Variants in MPV17 observed in about 807,000 individuals in gnomAD.
The protein encoded by MPV17 is mitochondrial inner membrane protein MPV17, also known as MPV17, mitochondrial inner membrane protein.
A neutral mutation model predicts 28.6 loss-of-function variants in MPV17; 31 were observed. The observed-to-expected ratio is 1.08, with a 90% CI of 0.81 to 1.46. MPV17 has a LOEUF of 1.46. Ranked by LOEUF, MPV17 falls within the 40% of genes most tolerant of loss-of-function variation. The probability of loss-of-function intolerance (pLI) is 0.00; values close to 1 mark genes in which losing one functional copy is unlikely to be tolerated. For missense variants in MPV17, 198 were observed against 216.2 expected (o/e 0.92, Z 0.53); for synonymous variants, 87 against 85.3 (o/e 1.02, Z -0.11).
Position 27,309,857 on chromosome 2 carries a change from C to G in MPV17, c.*55G>C, listed in dbSNP as rs371392423. 4 of 1,493,518 alleles carry G rather than the reference C, an allele frequency of 2.7e-6. No individual in the cohort carries two copies. In the Admixed American group the frequency reaches 5.1e-5, roughly 19 times the overall value. The allele number at this position is 1,493,518 out of a possible 1,614,324, so 92.5% of individuals were successfully genotyped here. On this transcript the variant is annotated 3_prime_UTR_variant, in exon 8 of 8. Transcript: ENST00000380044. ...GCCCACTTTGAGGAGGTTGTCTGAC[C>G]GTTCCAGGGTCAAGCTGCATCACTG... is the stretch of plus-strand genomic sequence containing the variant.
At chr2:27,318,800 T>G (rs1679751641) in intron 2 of MPV17, among the ~76,000 whole-genome samples, 1 of 152,168 alleles carries the variant, frequency 6.6e-6, no homozygotes, top group Admixed American at 6.5e-5. Context: ...AGTCTCGCTC[T>G]GTCGCCCAGG....
rs78496465 is a variant in MPV17, at chr2:27,315,299, T to C, written c.71-2190A>G. 4.9e-3 allele frequency among the ~76,000 whole-genome samples: 750 copies of C among 152,314 alleles called. 7 individuals carry two copies. Among genetic ancestry groups the C allele is most frequent in the African/African-American group, 0.017 (698 of 41,570 alleles). On this transcript the variant is annotated intron_variant, in intron 2 of 7. Coordinates refer to ENST00000380044, the MANE Select transcript of MPV17 (RefSeq NM_002437.5). Reference sequence around the variant, plus strand: ...GAAGGTGTGAGGACGTCGGGGGAACTGCAGGTTTGCTCCCACCCGCACCCG... The same window carrying C: ...GAAGGTGTGAGGACGTCGGGGGAACCGCAGGTTTGCTCCCACCCGCACCCG...
Position 27,311,940 on chromosome 2 carries a change from A to C in MPV17, c.420T>G (p.Ala140=), listed in dbSNP as rs1425821074. 1 of 1,613,616 alleles carries C rather than the reference A, an allele frequency of 6.2e-7. No homozygotes were observed. Among genetic ancestry groups the C allele is most frequent in the Non-Finnish European group, 8.5e-7 (1 of 1,179,994 alleles). The stretch of plus-strand genomic sequence containing the variant: ...CCAGGTAGAAGTTGGCTAACTGCAC[A>C]GCAGGCCATAGCTGCAAGAGAAAAT... ...ALITNYYLWP[A]VQLANFYLVP... The change falls in exon 7 of 8, where the codon GCT becomes GCG. Residue 140 remains alanine, a synonymous_variant. Transcript: ENST00000380044.
rs77563577 is a variant in MPV17 at position 27,319,410 on chromosome 2, C to T, written c.70+3038G>A. Among the ~76,000 whole-genome samples the T allele has an allele frequency of 7.6e-3, 1,118 of 147,468 alleles. 18 individuals carry two copies. Among genetic ancestry groups the T allele is most frequent in the African/African-American group, 0.026 (1,054 of 40,228 alleles). ...TGGTGGTGCAAGCCCGCGGTCCCAACCACTCGGGAGGCTAAGGCAGAGGAT... is the reference window on the plus strand; with the variant it reads ...TGGTGGTGCAAGCCCGCGGTCCCAATCACTCGGGAGGCTAAGGCAGAGGAT... On this transcript the variant is annotated intron_variant, in intron 2 of 7. Transcript: ENST00000380044.
intron 7 of MPV17, among the ~76,000 whole-genome samples, chr2:27,310,359 G>A (rs1460818676): frequency 2.0e-5 from 3 of 152,184 alleles, no homozygotes; most frequent in African/African-American, 7.2e-5. Flanking sequence ...GCCTCCCAAA[G>A]TGCTGGGATT....
At chr2:27,322,547 T>TCAC in intron 1 of MPV17, 25 bp from the exon 2 acceptor site, 1 of 1,602,336 alleles carries the variant, frequency 6.2e-7, no homozygotes, top group Non-Finnish European at 8.5e-7. Context: ...GGAGAGGGGG[T>TCAC]CACCCCCACC....
chr2:27,318,777 T>C (rs561503333), intron 2 of MPV17, among the ~76,000 whole-genome samples: 27 of 152,030 alleles, frequency 1.8e-4, no homozygotes, highest in East Asian at 3.9e-4. Context: ...CTTTTCTTTT[T>C]TTTTGGAGAT....
At chr2:27,311,527 G>A (rs1269626855) in intron 7 of MPV17, 4 of 1,438,112 alleles carry the variant, frequency 2.8e-6, no homozygotes, top group African/African-American at 2.8e-5. Flanking sequence ...TGTCTTTATT[G>A]TGAGTGTCTG....
rs774743263 is a variant in MPV17, at chr2:27,311,958, G to C, written c.409-7C>G. 6.2e-7 allele frequency: 1 copy of C among 1,613,344 alleles called. No homozygotes were observed. The highest frequency in any genetic ancestry group is 8.5e-7 in the Non-Finnish European group (1 of 1,179,918). ...ACTGCACAGCAGGCCATAGCTGCAA[G>C]AGAAAATGTAAAGGTTGGATGGCTG... On this transcript the variant is annotated splice_region_variant and splice_polypyrimidine_tract_variant and intron_variant, in intron 6 of 7. Transcript: ENST00000380044.
At chr2:27,312,187 A>T in intron 6 of MPV17, 27 bp downstream of exon 6, 1 of 1,611,764 alleles carries the variant, frequency 6.2e-7, no homozygotes, top group East Asian at 2.2e-5. Context: ...AAGCAGGAGA[A>T]CAAGCAGTTG....
chr2:27,315,768 G>A (rs35686293), intron 2 of MPV17: 19,799 of 408,754 alleles, frequency 0.048, 643 homozygotes, highest in Middle Eastern at 0.1. Flanking sequence ...CACCATGTTA[G>A]CCAGGCTGGT....
intron 2 of MPV17, among the ~76,000 whole-genome samples, chr2:27,314,301 C>T (rs755352458): frequency 1.2e-4 from 18 of 151,566 alleles, no homozygotes; most frequent in African/African-American, 1.9e-4. Context: ...GCTGCCTGGG[C>T]GACAGAACAA....
Position 27,317,279 on chromosome 2 carries a change from AC to A in MPV17, c.71-4171del, listed in dbSNP as rs1679691836. On this transcript the variant is annotated intron_variant, in intron 2 of 7. Coordinates refer to ENST00000380044, the MANE Select transcript of MPV17 (RefSeq NM_002437.5). This position sits in a 1 kb window ranked among gnomAD's most constrained non-coding sequence, Gnocchi z 4.0. ...GCCTAGGATAGGGGCTCAGTCTGGC[AC>A]AGAGCCCAGAGGGAGTGGAAGCCCA... 6.8e-7 allele frequency: 1 copy of A among 1,480,220 alleles called. No individual in the cohort carries two copies. The highest frequency in any genetic ancestry group is 9.0e-7 in the Non-Finnish European group (1 of 1,110,004). 91.7% of individuals were successfully genotyped at this position (1,480,220 alleles called of 1,614,324 possible).
chr2:27,316,182 T>G, intron 2 of MPV17: 2 of 1,551,144 alleles, frequency 1.3e-6, no homozygotes. Flanking sequence ...CAGACAGCAA[T>G]ATTCCTGGGA....
At position 27,312,976 on chromosome 2, in the gene MPV17, G is replaced by A; in HGVS notation, c.186+18C>T. ...CCACTGTTGAGTCCACTGAAGCCCT[G>A]TTGAGGGGAGAACTTACCACAAAGC... On this transcript the variant is annotated intron_variant, in intron 3 of 7. Coordinates refer to ENST00000380044, the MANE Select transcript of MPV17 (RefSeq NM_002437.5). The A allele has an allele frequency of 6.2e-7, 1 of 1,613,644 alleles. No homozygotes were observed. The highest frequency in any genetic ancestry group is 8.5e-7 in the Non-Finnish European group (1 of 1,179,504).
intron 2 of MPV17, among the ~76,000 whole-genome samples, chr2:27,321,622 C>T (rs1313399354): frequency 6.6e-6 from 1 of 152,194 alleles, no homozygotes; most frequent in Non-Finnish European, 1.5e-5. Flanking sequence ...CTAAGACTTA[C>T]TTATCTTCAT....
intron 6 of MPV17, 65 bp from the exon 7 acceptor site, chr2:27,312,016 C>T: frequency 6.3e-7 from 1 of 1,578,988 alleles, no homozygotes; most frequent in Non-Finnish European, 8.7e-7. Flanking sequence ...CACTGTCTTG[C>T]CTGGCCCTAC....
At chr2:27,316,282 T>A (rs1679647619) in intron 2 of MPV17, 1 of 1,413,024 alleles carries the variant, frequency 7.1e-7, no homozygotes, top group East Asian at 2.5e-5. Context: ...AAAAGCCAAG[T>A]CCCTGACTTC....
intron 7 of MPV17, among the ~76,000 whole-genome samples, chr2:27,310,463 A>G (rs536298210): frequency 5.5e-4 from 84 of 152,320 alleles, no homozygotes; most frequent in African/African-American, 1.7e-3. Flanking sequence ...TTCTAGTGCC[A>G]TCCCAGAGCT....
Sources: gnomAD v4.1 joint callset for allele counts (sites outside exome capture counted in the v4.1 genomes callset) on GRCh38, gnomAD v4.1.1 for gene constraint, Gnocchi (gnomAD v3.1) non-coding constraint, MANE v1.5 for transcripts, NCBI Gene and HGNC (gene_info 2026-07-23, HGNC 2026-07-21) for gene names.